KLC1: variants seen among roughly 807,000 people sequenced by gnomAD.
KLC1 encodes the protein kinesin 2 60/70kDa.
In KLC1, 30 loss-of-function variants were observed where a neutral mutation model predicts 84.2. The ratio of observed to expected loss-of-function variants is 0.36; its 90% CI spans 0.27 to 0.48. The LOEUF (loss-of-function observed/expected upper bound fraction) is 0.48. KLC1 is among the 20% of genes least tolerant of loss of function. The pLI is 0.99. For missense variants in KLC1, 499 were observed against 805.4 expected (o/e 0.62, Z 4.60); for synonymous variants, 289 against 293.3 (o/e 0.99, Z 0.15).
chr14:103,670,337 TG>T, intron 7 of KLC1, 54 bp downstream of exon 7: 2 of 1,209,304 alleles, frequency 1.7e-6, no homozygotes, highest in Non-Finnish European at 2.3e-6. Flanking sequence ...TGTGTGTGTG[TG>T]GTTTTTTTTT....
chr14:103,670,525 T>C (rs1036907161), intron 7 of KLC1, among the ~76,000 whole-genome samples: 2 of 151,896 alleles, frequency 1.3e-5, no homozygotes, highest in Non-Finnish European at 2.9e-5. Context: ...GTAGTAGAGA[T>C]GGGGTTTCAC....
intron 7 of KLC1, among the ~76,000 whole-genome samples, chr14:103,672,410 G>T (rs2080474658): frequency 1.3e-5 from 2 of 152,304 alleles, no homozygotes; most frequent in South Asian, 4.1e-4. Context: ...GAGAGACAAA[G>T]AATTTATACT....
chr14:103,653,985 G>A (rs2078659631), intron 1 of KLC1, among the ~76,000 whole-genome samples: 1 of 152,138 alleles, frequency 6.6e-6, no homozygotes, highest in Non-Finnish European at 1.5e-5. Context: ...ATCACCCTGG[G>A]CCTGGCCCTG....
intron 1 of KLC1, among the ~76,000 whole-genome samples, chr14:103,634,714 G>A (rs1242639724): frequency 6.6e-6 from 1 of 152,100 alleles, no homozygotes; most frequent in Non-Finnish European, 1.5e-5. Context: ...TTGCTTCTAG[G>A]AGGTTACTAA....
At chr14:103,677,912 A>G (rs911630423) in intron 12 of KLC1, among the ~76,000 whole-genome samples, 3 of 151,464 alleles carry the variant, frequency 2.0e-5, no homozygotes, top group African/African-American at 4.9e-5. Flanking sequence ...GGCTGCAGTG[A>G]GCCGATATCA....
In KLC1 at chr14:103,645,788, C is replaced by T. The variant is rs547327061; in HGVS notation, c.-1-8776C>T. 4.0e-5 allele frequency among the ~76,000 whole-genome samples: 6 copies of T among 149,072 alleles called. No individual in the cohort carries two copies. The South Asian group carries it at 8.4e-4, about 21-fold the overall frequency. On this transcript the variant is annotated intron_variant, in intron 1 of 16. Transcript: ENST00000334553. ...TTTTTTTTTTTTTGAGACAGAGTCT[C>T]GCTCTGTTGCCCAGGCTGGAGTGCA... is the stretch of plus-strand genomic sequence containing the variant.
At chr14:103,655,645 G>T (rs138003278) in intron 2 of KLC1, among the ~76,000 whole-genome samples, 17 of 151,582 alleles carry the variant, frequency 1.1e-4, no homozygotes, top group African/African-American at 3.6e-4. Context: ...GTTTGCTCTC[G>T]CCGCCCAGGC....
chr14:103,680,210 G>A (rs2081237369), intron 13 of KLC1, among the ~76,000 whole-genome samples: 1 of 151,950 alleles, frequency 6.6e-6, no homozygotes, highest in African/African-American at 2.4e-5. Context: ...TGTTTATCCA[G>A]TGGTTGCCAA....
At chr14:103,696,044 G>GA in intron 15 of KLC1, 1 of 984,984 alleles carries the variant, frequency 1.0e-6, no homozygotes, top group Non-Finnish European at 1.2e-6. Flanking sequence ...AACCCCACGC[G>GA]AGAGTCAGCA....
At chr14:103,652,071 G>A (rs923356569) in intron 1 of KLC1, among the ~76,000 whole-genome samples, 1 of 152,174 alleles carries the variant, frequency 6.6e-6, no homozygotes, top group Non-Finnish European at 1.5e-5. Flanking sequence ...ACTTGCATCT[G>A]CTAGTTTGGG....
intron 3 of KLC1, among the ~76,000 whole-genome samples, chr14:103,659,158 A>C (rs1332680760): frequency 6.7e-6 from 1 of 148,576 alleles, no homozygotes; most frequent in Non-Finnish European, 1.5e-5. Context: ...TTGTATTTTA[A>C]GTAGAGATGG....
intron 9 of KLC1, 67 bp from the exon 10 acceptor site, chr14:103,675,484 AG>A (rs1475268826): frequency 1.6e-5 from 21 of 1,352,302 alleles, no homozygotes; most frequent in Middle Eastern, 2.6e-4. Context: ...AATTCCCCTT[AG>A]AGCAGTTCAG....
chr14:103,678,850 T>C (rs527926822), intron 12 of KLC1, among the ~76,000 whole-genome samples: 1 of 152,302 alleles, frequency 6.6e-6, no homozygotes, highest in African/African-American at 2.4e-5. Flanking sequence ...GAAGATGATA[T>C]ACAGATAGCC....
intron 14 of KLC1, among the ~76,000 whole-genome samples, chr14:103,690,908 G>A (rs1478584486): frequency 1.3e-5 from 2 of 152,120 alleles, no homozygotes; most frequent in African/African-American, 4.8e-5. Context: ...GTTACATTTT[G>A]CTTTCTAAGT....
chr14:103,631,886 A>G (rs1304344768), intron 1 of KLC1, among the ~76,000 whole-genome samples: 1 of 152,158 alleles, frequency 6.6e-6, no homozygotes, highest in Non-Finnish European at 1.5e-5. Flanking sequence ...GGTGTGAGCC[A>G]TTGCACCTGG....
chr14:103,683,798 C>T (rs1471195806), intron 13 of KLC1: 1 of 151,966 alleles, frequency 6.6e-6, no homozygotes, highest in African/African-American at 2.4e-5. Context: ...AAGATTTCTA[C>T]ACGTTTCGAA....
chr14:103,673,298 A>C, intron 8 of KLC1, 34 bp from the exon 9 acceptor site: 1 of 1,543,454 alleles, frequency 6.5e-7, no homozygotes, highest in Non-Finnish European at 8.7e-7. Context: ...TACATCTGAA[A>C]GATATGAAAT....
At chr14:103,673,792 G>A (rs1303246160) in intron 9 of KLC1, among the ~76,000 whole-genome samples, 4 of 152,216 alleles carry the variant, frequency 2.6e-5, no homozygotes, top group Admixed American at 6.5e-5. Flanking sequence ...GTGTGATGGC[G>A]GCCGCCTGTA....
intron 15 of KLC1, chr14:103,696,956 C>G (rs965409074): frequency 6.1e-6 from 6 of 985,332 alleles, no homozygotes; most frequent in Middle Eastern, 5.2e-4. Context: ...GGAAGCCCCT[C>G]GGCCCCTTCC....
Sources: gnomAD v4.1 joint callset for allele counts (sites outside exome capture counted in the v4.1 genomes callset) on GRCh38, gnomAD v4.1.1 for gene constraint, MANE v1.5 for transcripts, NCBI Gene and HGNC (gene_info 2026-07-23, HGNC 2026-07-21) for gene names.